Variants in LY86 observed in about 807,000 individuals in gnomAD.
LY86 encodes the protein lymphocyte antigen 86.
A neutral mutation model predicts 17.3 loss-of-function variants in LY86; 20 were observed. The ratio of observed to expected loss-of-function variants is 1.15; its 90% CI spans 0.81 to 1.68. The LOEUF (loss-of-function observed/expected upper bound fraction) is 1.68, where lower values mean the gene tolerates loss of function less well. LY86 is among the 40% of genes most tolerant of loss of function. LY86 has a pLI of 0.00. For synonymous variants in LY86, 74 were observed against 70.6 expected, an observed-to-expected ratio of 1.05 and a Z score of -0.24; for missense variants, 200 against 191.9, an observed-to-expected ratio of 1.04 and a Z score of -0.25.
At position 6,638,360 on chromosome 6, in the gene LY86, T is replaced by G. The variant is rs537485196; in HGVS notation, c.353-11265T>G. 7.9e-5 allele frequency among the ~76,000 whole-genome samples: 12 copies of G among 152,394 alleles called. No individual in the cohort carries two copies. The South Asian group carries it at 2.5e-3, about 32-fold the overall frequency. ...ATTTCCTCTTCCTTTTTTTGTATAG[T>G]TACTAGAAAGTTTTATGTCGCATAT... On this transcript the variant is annotated intron_variant, in intron 3 of 4. Transcript: ENST00000230568.
intron 3 of LY86, among the ~76,000 whole-genome samples, chr6:6,632,659 C>G (rs1761912437): frequency 6.6e-6 from 1 of 152,196 alleles, no homozygotes; most frequent in Non-Finnish European, 1.5e-5. Context: ...AATTTCCTGA[C>G]CAGTAACTGA....
In LY86 at chr6:6,654,591, C is replaced by T. The variant is rs758935777; in HGVS notation, c.453C>T (p.Thr151=). 1.2e-5 allele frequency: 19 copies of T among 1,614,054 alleles called. No individual in the cohort carries two copies. Among genetic ancestry groups the T allele is most frequent in the Admixed American group, 3.3e-5 (2 of 59,996 alleles). Residue 151 remains threonine (T), a synonymous_variant, in exon 5 of 5, where the codon ACC becomes ACT. Transcript: ENST00000230568. ...LLELYTEKRS[T]VACANATIMC... is the part of the protein sequence containing the mutation. ...AACTGTACACTGAAAAACGGTCCAC[C>T]GTGGCCTGTGCCAATGCTACTATCA...
At chr6:6,601,749 AAT>A (rs1393696424) in intron 1 of LY86, among the ~76,000 whole-genome samples, 1 of 152,066 alleles carries the variant, frequency 6.6e-6, no homozygotes, top group Non-Finnish European at 1.5e-5. Context: ...AGAAATATAC[AAT>A]AGAAAGCAGA....
chr6:6,598,706 T>C (rs1185111273), intron 1 of LY86, among the ~76,000 whole-genome samples: 1 of 151,382 alleles, frequency 6.6e-6, no homozygotes, highest in Admixed American at 6.6e-5. Context: ...CCCACCCTTA[T>C]TGTATATTGA....
intron 1 of LY86, among the ~76,000 whole-genome samples, chr6:6,608,021 TAAA>T (rs1761236593): frequency 6.6e-6 from 1 of 152,236 alleles, no homozygotes; most frequent in Admixed American, 6.5e-5. Flanking sequence ...GTCTGCTCTT[TAAA>T]GAAATACACC....
chr6:6,595,196 G>A (rs1760660506), intron 1 of LY86, among the ~76,000 whole-genome samples: 1 of 151,024 alleles, frequency 6.6e-6, no homozygotes, highest in African/African-American at 2.4e-5. Flanking sequence ...GGAAAAGGAA[G>A]AGGGGGAGAA....
Position 6,624,974 on chromosome 6 carries a change from T to C in LY86, c.185T>C (p.Leu62Ser). ...TCTGTTGAAAAGTGTTCCAAGCAAT[T>C]AAAATCAAATATCAACATTAGATTT... ...GFSVEKCSKQ[L>S]KSNINIRFGI... The change falls in exon 2 of 5, where the codon TTA becomes TCA. Residue 62 changes from leucine to serine, a missense_variant. Physicochemically the swap from Leu to Ser is moderately radical, Grantham distance 145. Coordinates refer to ENST00000230568, the MANE Select transcript of LY86 (RefSeq NM_004271.4). 6.4e-7 allele frequency: 1 copy of C among 1,557,136 alleles called. No homozygotes were observed. The highest frequency in any genetic ancestry group is 8.8e-7 in the Non-Finnish European group (1 of 1,136,370).
intron 2 of LY86, 121 bp downstream of exon 2, chr6:6,625,133 T>A: frequency 1.9e-6 from 1 of 536,452 alleles, no homozygotes; most frequent in East Asian, 3.4e-5. Context: ...CACCACTCTC[T>A]GGAATTAACT....
chr6:6,626,349 G>C lies in LY86; in HGVS notation c.280G>C (p.Val94Leu). ...AGCTCTCATGTCTCAAGGCTCATCT[G>C]TTTTGAATTTCTCCTATCCCATCTG... ...DLALMSQGSSVLNFSYPICEA... is the reference protein window; with the variant it reads ...DLALMSQGSSLLNFSYPICEA... The change falls in exon 3 of 5, where the codon GTT becomes CTT. Residue 94 changes from valine to leucine, a missense_variant. Transcript: ENST00000230568. The C allele has an allele frequency of 1.2e-6, 2 of 1,614,026 alleles. No individual in the cohort carries two copies. Among genetic ancestry groups the C allele is most frequent in the South Asian group, 2.2e-5 (2 of 91,088 alleles).
At position 6,588,837 on chromosome 6, in the gene LY86, G is replaced by C. The variant is rs377638373; in HGVS notation, c.103G>C (p.Asp35His). The change falls in exon 1 of 5, where the codon GAC becomes CAC. Residue 35 changes from aspartate to histidine, a missense_variant. By Grantham distance (81) the Asp-to-His change is moderately conservative (BLOSUM62 -1). Transcript: ENST00000230568. The stretch of plus-strand genomic sequence containing the variant: ...CTGGCCCACACACGTGGTCTGTAGC[G>C]ACAGCGGCTTGGAAGTGCTCTACCA... Reference protein sequence around the residue: ...KAWPTHVVCSDSGLEVLYQSC... With the variant: ...KAWPTHVVCSHSGLEVLYQSC... 1.1e-4 allele frequency: 170 copies of C among 1,613,978 alleles called. 1 individual carries two copies. The highest frequency in any genetic ancestry group is 9.3e-5 in the African/African-American group (7 of 74,928).
At chr6:6,632,270 C>T (rs1761908098) in intron 3 of LY86, among the ~76,000 whole-genome samples, 1 of 152,166 alleles carries the variant, frequency 6.6e-6, no homozygotes, top group South Asian at 2.1e-4. Context: ...AGCCAGAGAG[C>T]AGGCCTGGAG....
chr6:6,613,960 C>T (rs1175319441), intron 1 of LY86, among the ~76,000 whole-genome samples: 3 of 152,358 alleles, frequency 2.0e-5, no homozygotes, highest in Non-Finnish European at 4.4e-5. Context: ...TTAGCTCATT[C>T]TCAAATTCTG....
intron 1 of LY86, among the ~76,000 whole-genome samples, chr6:6,605,724 G>A (rs1332353318): frequency 6.6e-6 from 1 of 152,236 alleles, no homozygotes; most frequent in Non-Finnish European, 1.5e-5. Context: ...CGCGGTGAGT[G>A]TTACAGTTCT....
rs576955948 is a variant in LY86 at position 6,628,626 on chromosome 6, G to A, written c.352+2205G>A. On this transcript the variant is annotated intron_variant, in intron 3 of 4. Coordinates refer to ENST00000230568, the MANE Select transcript of LY86 (RefSeq NM_004271.4). Reference sequence around the variant, plus strand: ...AGTGCTCCCTCTGGGTGCTCTGGGAGCATCGTGTTCCTACTTCTGCTGTAG... The same window carrying A: ...AGTGCTCCCTCTGGGTGCTCTGGGAACATCGTGTTCCTACTTCTGCTGTAG... Among the ~76,000 whole-genome samples the A allele has an allele frequency of 3.9e-5, 6 of 152,128 alleles. No individual in the cohort carries two copies. The South Asian group carries it at 1.0e-3, about 26-fold the overall frequency.
chr6:6,624,955 G>C lies in LY86; in HGVS notation c.166G>C (p.Glu56Gln), dbSNP rs779650098. ...ATTACAAGATTTTGGCTTTTCTGTT[G>C]AAAAGTGTTCCAAGCAATTAAAATC... ...DPLQDFGFSVEKCSKQLKSNI... is the reference protein window; with the variant it reads ...DPLQDFGFSVQKCSKQLKSNI... Residue 56 changes from glutamate (E) to glutamine (Q), a missense_variant, in exon 2 of 5, where the codon GAA (glutamate) becomes CAA (glutamine). Glu to Gln is a conservative substitution (Grantham distance 29). Transcript: ENST00000230568. 3 of 1,566,522 alleles carry C rather than the reference G, an allele frequency of 1.9e-6. No homozygotes were observed. In the South Asian group the frequency reaches 3.4e-5, roughly 18 times the overall value.
intron 3 of LY86, among the ~76,000 whole-genome samples, chr6:6,637,004 GTTTTTTTTTT>G (rs34996349): frequency 9.1e-6 from 1 of 109,866 alleles, no homozygotes; most frequent in Non-Finnish European, 1.7e-5. Flanking sequence ...AAGCATATTG[GTTTTTTTTTT>G]TTTTTTTTTT....
rs75598750 is a variant in LY86, at chr6:6,642,781, G to T, written c.353-6844G>T. ...GGGCCTTCCCCATCTTCCAGATCTG[G>T]TTCTCTCGGGAAATACCCAGAGGTA... On this transcript the variant is annotated intron_variant, in intron 3 of 4. Coordinates refer to ENST00000230568, the MANE Select transcript of LY86 (RefSeq NM_004271.4). Among the ~76,000 whole-genome samples the T allele has an allele frequency of 7.5e-3, 1,136 of 152,328 alleles. 11 individuals carry two copies. Among genetic ancestry groups the T allele is most frequent in the African/African-American group, 0.026 (1,070 of 41,572 alleles).
At chr6:6,596,619 G>C (rs1485800837) in intron 1 of LY86, among the ~76,000 whole-genome samples, 1 of 152,180 alleles carries the variant, frequency 6.6e-6, no homozygotes, top group African/African-American at 2.4e-5. Context: ...CCTTGAGTAG[G>C]GCAAGGCCTT....
At chr6:6,648,738 G>C (rs1303908451) in intron 3 of LY86, among the ~76,000 whole-genome samples, 1 of 150,738 alleles carries the variant, frequency 6.6e-6, no homozygotes, top group Non-Finnish European at 1.5e-5. Context: ...AGTAGTTACT[G>C]TTATTGTCAT....
Sources: gnomAD v4.1 joint callset for allele counts (sites outside exome capture counted in the v4.1 genomes callset) on GRCh38, gnomAD v4.1.1 for gene constraint, MANE v1.5 for transcripts, NCBI Gene and HGNC (gene_info 2026-07-23, HGNC 2026-07-21) for gene names.